Variants in GAL3ST4 observed in about 807,000 individuals in gnomAD.
GAL3ST4 encodes the protein beta-galactose-3-O-sulfotransferase 4.
GAL3ST4 carries 30 observed loss-of-function variants against 31.6 expected under a neutral mutation model. The ratio of observed to expected loss-of-function variants is 0.95; its 90% confidence interval spans 0.71 to 1.29. GAL3ST4 has a LOEUF of 1.29. Among genes scored for constraint, GAL3ST4 ranks in the 50% most tolerant of loss-of-function variants. The pLI, the probability that GAL3ST4 is intolerant of heterozygous loss-of-function variation, is 0.00. For synonymous variants in GAL3ST4, 248 were observed against 256.9 expected, an observed-to-expected ratio of 0.97 and a Z score of 0.33; for missense variants, 629 against 625.2, an observed-to-expected ratio of 1.01 and a Z score of -0.06.
At chr7:100,164,598 G>A (rs1453062058) in intron 3 of GAL3ST4, among the ~76,000 whole-genome samples, 1 of 152,096 alleles carries the variant, frequency 6.6e-6, no homozygotes, top group Non-Finnish European at 1.5e-5. Context: ...GGCAGAGGTT[G>A]CAGTGAGCTG....
rs1301792770 is a variant in GAL3ST4 at position 100,166,710 on chromosome 7, G to A, written c.221C>T (p.Thr74Ile). ...CACAGAGCTGCTCCCGGATTTATGT[G>A]TCTTCAGGAACACCAGTCGCTGCCG... The part of the protein sequence containing the change: ...PPRQRLVFLK[T>I]HKSGSSSVLS... Residue 74 changes from threonine (T) to isoleucine (I), a missense_variant, in exon 3 of 4, where the codon ACA (threonine) becomes ATA (isoleucine). Transcript: ENST00000360039. 3.1e-6 allele frequency: 5 copies of A among 1,614,016 alleles called. No homozygotes were observed. Among genetic ancestry groups the A allele is most frequent in the Admixed American group, 1.7e-5 (1 of 60,002 alleles).
At position 100,166,979 on chromosome 7, in the gene GAL3ST4, G is replaced by A; in HGVS notation, c.117C>T (p.Phe39=). Residue 39 remains phenylalanine (F), a synonymous_variant, in exon 2 of 4, where the codon TTC becomes TTT. Coordinates refer to ENST00000360039, the MANE Select transcript of GAL3ST4 (RefSeq NM_024637.5). ...GFALQLLGGP[F]QRRLPGLQLR... is the part of the protein sequence containing the mutation. ...GCAAAGTGGGAACTCACCTCCTCTG[G>A]AAGGGCCCTCCCAAGAGCTGGAGTG... 6.3e-7 allele frequency: 1 copy of A among 1,591,694 alleles called. No homozygotes were observed. The highest frequency in any genetic ancestry group is 8.5e-7 in the Non-Finnish European group (1 of 1,170,032).
rs745546597 is a variant in GAL3ST4 at position 100,160,882 on chromosome 7, G to C, written c.507C>G (p.Phe169Leu). 1.2e-6 allele frequency: 2 copies of C among 1,614,080 alleles called. No homozygotes were observed. Among genetic ancestry groups the C allele is most frequent in the African/African-American group, 2.7e-5 (2 of 74,940 alleles). The change falls in exon 4 of 4, where the codon TTC becomes TTG. Residue 169 changes from phenylalanine (F) to leucine (L), a missense_variant. Transcript: ENST00000360039. ...CTGATGAGGTGGATTTATAGTAGGA[G>C]AAGGCAGAGCGAGCCAGAGCCGCTG... ...RDPAALARSA[F>L]SYYKSTSSAF... is the part of the protein sequence containing the mutation.
In GAL3ST4 at chr7:100,166,668, C is replaced by G; in HGVS notation, c.263G>C (p.Arg88Pro). 1 of 1,614,198 alleles carries G rather than the reference C, an allele frequency of 6.2e-7. No homozygotes were observed. Among genetic ancestry groups the G allele is most frequent in the Admixed American group, 1.7e-5 (1 of 60,020 alleles). Residue 88 changes from arginine to proline, a missense_variant, in exon 3 of 4, where the codon CGC becomes CCC. Coordinates refer to ENST00000360039, the MANE Select transcript of GAL3ST4 (RefSeq NM_024637.5). ...GCGCAGCCCGTGCTGGTCCCCATAGCGGTGAAGCAGGCTCAGCACAGAGCT... is the reference window on the plus strand; with the variant it reads ...GCGCAGCCCGTGCTGGTCCCCATAGGGGTGAAGCAGGCTCAGCACAGAGCT... ...GSSSVLSLLH[R>P]YGDQHGLRFA...
Position 100,160,175 on chromosome 7 carries a change from T to A in GAL3ST4, c.1214A>T (p.Lys405Ile). 1 of 1,614,110 alleles carries A rather than the reference T, an allele frequency of 6.2e-7. No homozygotes were observed. Among genetic ancestry groups the A allele is most frequent in the Non-Finnish European group, 8.5e-7 (1 of 1,179,984 alleles). Residue 405 changes from lysine (K) to isoleucine (I), a missense_variant, in exon 4 of 4, where the codon AAA becomes ATA. Lys to Ile is a moderately radical substitution (Grantham distance 102). Transcript: ENST00000360039. ...AGCCTCACCCCCTACCAGACAATGT[T>A]TCGCTAGGGCCTCTCGGCGAGCCCG... ...ELRARREALA[K>I]HCLVGGEASD...
chr7:100,162,691 G>C (rs985212240), intron 3 of GAL3ST4, among the ~76,000 whole-genome samples: 1 of 149,686 alleles, frequency 6.7e-6, no homozygotes, highest in Non-Finnish European at 1.5e-5. Context: ...AAGAGAGAGA[G>C]AGCATGAGGA....
In GAL3ST4 at chr7:100,160,134, T is replaced by C. The variant is rs1421441784; in HGVS notation, c.1255A>G (p.Ile419Val). 2.5e-6 allele frequency: 4 copies of C among 1,613,914 alleles called. No individual in the cohort carries two copies. Among genetic ancestry groups the C allele is most frequent in the Non-Finnish European group, 2.5e-6 (3 of 1,179,866 alleles). ...AAGGGGCGGAACCGGCGATCAGTGATGTATTTGGGGTCAGAAGCCTCACCC... is the reference window on the plus strand; with the variant it reads ...AAGGGGCGGAACCGGCGATCAGTGACGTATTTGGGGTCAGAAGCCTCACCC... The part of the protein sequence containing the change: ...VGGEASDPKY[I>V]TDRRFRPFQF... Residue 419 changes from isoleucine (I) to valine (V), a missense_variant, in exon 4 of 4, where the codon ATC (isoleucine) becomes GTC (valine). Ile to Val is a conservative substitution (Grantham distance 29). Coordinates refer to ENST00000360039, the MANE Select transcript of GAL3ST4 (RefSeq NM_024637.5).
At position 100,160,587 on chromosome 7, in the gene GAL3ST4, C is replaced by T; in HGVS notation, c.802G>A (p.Asp268Asn). ...GGGCTTGATATCTGGCTGCGATGAT[C>T]AGTAACAGTGGAAACAGGATGGATG... ...ALIHPVSTVT[D>N]HRSQISSPAS... The change falls in exon 4 of 4, where the codon GAT becomes AAT. Residue 268 changes from aspartate to asparagine, a missense_variant. Coordinates refer to ENST00000360039, the MANE Select transcript of GAL3ST4 (RefSeq NM_024637.5). 6.2e-7 allele frequency: 1 copy of T among 1,613,766 alleles called. No homozygotes were observed.
Position 100,160,814 on chromosome 7 carries a change from G to C in GAL3ST4, c.575C>G (p.Pro192Arg). The change falls in exon 4 of 4, where the codon CCT becomes CGT. Residue 192 changes from proline to arginine, a missense_variant. Transcript: ENST00000360039. ...GGCCCCAGGCCTGTAGAAGCCTCGA[G>C]GATTGGCCAGGAAGGCAGCCAAAGA... is the stretch of plus-strand genomic sequence containing the variant. ...SPSLAAFLAN[P>R]RGFYRPGARG... The C allele has an allele frequency of 6.2e-7, 1 of 1,614,248 alleles. No homozygotes were observed. Among genetic ancestry groups the C allele is most frequent in the Non-Finnish European group, 8.5e-7 (1 of 1,180,050 alleles).
chr7:100,161,619 T>C (rs1313071517), intron 3 of GAL3ST4, among the ~76,000 whole-genome samples: 1 of 141,596 alleles, frequency 7.1e-6, no homozygotes, highest in East Asian at 2.0e-4. Context: ...CCACTGCACT[T>C]GACAGCCTGG....
In GAL3ST4 at chr7:100,166,501, CCT is replaced by C; in HGVS notation, c.428_429del (p.Glu143GlyfsTer8). On this transcript the variant is annotated frameshift_variant and splice_region_variant, in exon 3 of 4. Coordinates refer to ENST00000360039, the MANE Select transcript of GAL3ST4 (RefSeq NM_024637.5). LOFTEE classifies it high-confidence loss of function. The stretch of plus-strand genomic sequence containing the variant: ...CCTCCCACCACTGCGACACTCCTTA[CCT>C]CTTTCAGGTTGAACCTCATGTGGTG... ...LCHHMRFNLK[E>X]VLQVMPSDSF... is the part of the protein sequence containing the mutation. 1 of 1,610,168 alleles carries C rather than the reference CCT, an allele frequency of 6.2e-7. No individual in the cohort carries two copies. The highest frequency in any genetic ancestry group is 1.1e-5 in the South Asian group (1 of 90,628).
chr7:100,167,204 G>T lies in GAL3ST4; in HGVS notation c.-109C>A. ...CTGCGGAAGGCACTGGTTGGAGATC[G>T]GGGGGTCATTCCCCAGGCCTGCTCA... On this transcript the variant is annotated 5_prime_UTR_variant, in exon 2 of 4. Transcript: ENST00000360039. The T allele has an allele frequency of 1.3e-6, 2 of 1,542,988 alleles. No homozygotes were observed. The highest frequency in any genetic ancestry group is 2.0e-5 in the Admixed American group (1 of 50,614).
rs1326815822 is a variant in GAL3ST4, at chr7:100,160,915, GAC to G, written c.472_473del (p.Val158ProfsTer15). 1.9e-6 allele frequency: 3 copies of G among 1,606,308 alleles called. No individual in the cohort carries two copies. In the African/African-American group the frequency reaches 4.0e-5, roughly 22 times the overall value. On this transcript the variant is annotated frameshift_variant, in exon 4 of 4. Coordinates refer to ENST00000360039, the MANE Select transcript of GAL3ST4 (RefSeq NM_024637.5). LOFTEE classifies it high-confidence loss of function. ...AGCGAGCCAGAGCCGCTGGGTCTCG[GAC>G]AATGGAAAAAAAGAAGCTGTCAGAA... ...MPSDSFFFSI[V>X]RDPAALARSA...
intron 3 of GAL3ST4, among the ~76,000 whole-genome samples, chr7:100,165,373 G>C (rs866735613): frequency 1.3e-5 from 2 of 152,164 alleles, no homozygotes; most frequent in South Asian, 2.1e-4. Flanking sequence ...GTTTCACCAT[G>C]TTGGCCAGGC....
In GAL3ST4 at chr7:100,160,581, G is replaced by A. The variant is rs777267255; in HGVS notation, c.808C>T (p.Arg270Cys). 4.3e-6 allele frequency: 7 copies of A among 1,613,718 alleles called. No homozygotes were observed. The highest frequency in any genetic ancestry group is 1.7e-5 in the Admixed American group (1 of 60,010). Residue 270 changes from arginine to cysteine, a missense_variant, in exon 4 of 4, where the codon CGC (arginine) becomes TGC (cysteine). Physicochemically the swap from Arg to Cys is radical, Grantham distance 180. Transcript: ENST00000360039. ...GAGGCAGGGCTTGATATCTGGCTGC[G>A]ATGATCAGTAACAGTGGAAACAGGA... The part of the protein sequence containing the change: ...IHPVSTVTDH[R>C]SQISSPASFD...
intron 3 of GAL3ST4, among the ~76,000 whole-genome samples, chr7:100,166,285 G>A (rs1015989915): frequency 2.6e-5 from 4 of 152,320 alleles, no homozygotes; most frequent in East Asian, 1.9e-4. Context: ...TGGAGTAAGC[G>A]CCAGAGAGAG....
At position 100,159,799 on chromosome 7, in the gene GAL3ST4, A is replaced by G; in HGVS notation, c.*129T>C. On this transcript the variant is annotated 3_prime_UTR_variant, in exon 4 of 4. Coordinates refer to ENST00000360039, the MANE Select transcript of GAL3ST4 (RefSeq NM_024637.5). ...AAGCACTGCTGGGAGCCCAGCGAAG[A>G]GGGGGCTTGCATCGGGACAAAGACT... 1.3e-6 allele frequency: 1 copy of G among 755,842 alleles called. No homozygotes were observed. The highest frequency in any genetic ancestry group is 2.8e-5 in the Admixed American group (1 of 35,566). The allele number at this position is 755,842 out of a possible 1,614,324, so 46.8% of individuals were successfully genotyped here.
In GAL3ST4 at chr7:100,160,635, G is replaced by C. The variant is rs767500396; in HGVS notation, c.754C>G (p.Gln252Glu). 2 of 1,613,892 alleles carry C rather than the reference G, an allele frequency of 1.2e-6. No homozygotes were observed. Among genetic ancestry groups the C allele is most frequent in the Non-Finnish European group, 1.7e-6 (2 of 1,180,042 alleles). Residue 252 changes from glutamine to glutamate, a missense_variant, in exon 4 of 4, where the codon CAA becomes GAA. By Grantham distance (29) the Gln-to-Glu change is conservative. Transcript: ENST00000360039. ...VLPSGAGPRA[Q>E]TLNPNALIHP... ...ATGAGGGCATTGGGATTGAGGGTTT[G>C]GGCTCGAGGGCCAGCACCAGAAGGC...
Position 100,160,876 on chromosome 7 carries a change from G to C in GAL3ST4, c.513C>G (p.Tyr171Ter), listed in dbSNP as rs1490520787. Residue 171 changes from tyrosine to a stop codon, truncating the protein, a stop_gained, in exon 4 of 4, where the codon TAC becomes TAG. Coordinates refer to ENST00000360039, the MANE Select transcript of GAL3ST4 (RefSeq NM_024637.5). LOFTEE classifies it low-confidence loss of function (END_TRUNC). The stretch of plus-strand genomic sequence containing the variant: ...GGAAGGCTGATGAGGTGGATTTATA[G>C]TAGGAGAAGGCAGAGCGAGCCAGAG... ...PAALARSAFSYYKSTSSAFRK... is the reference protein window; with the variant it reads ...PAALARSAFS 1 of 1,614,188 alleles carries C rather than the reference G, an allele frequency of 6.2e-7. No individual in the cohort carries two copies. The highest frequency in any genetic ancestry group is 1.7e-5 in the Admixed American group (1 of 60,022).
Sources: gnomAD v4.1 joint callset for allele counts (sites outside exome capture counted in the v4.1 genomes callset) on GRCh38, gnomAD v4.1.1 for gene constraint, MANE v1.5 for transcripts, NCBI Gene and HGNC (gene_info 2026-07-23, HGNC 2026-07-21) for gene names.